FAM162A: variants seen among roughly 807,000 people sequenced by gnomAD.
FAM162A encodes the protein protein FAM162A.
A neutral mutation model predicts 21.8 loss-of-function variants in FAM162A; 23 were observed. The observed-to-expected ratio is 1.05, with a 90% CI of 0.76 to 1.49. FAM162A has a LOEUF of 1.49. Among genes scored for constraint, FAM162A ranks in the 40% most tolerant of loss-of-function variants. FAM162A has a pLI of 0.00. For missense variants in FAM162A, 165 were observed against 186.4 expected, an observed-to-expected ratio of 0.89 and a Z score of 0.67; for synonymous variants, 53 against 61.3, an observed-to-expected ratio of 0.86 and a Z score of 0.64.
At chr3:122,406,244 T>A (rs1456047935) in intron 3 of FAM162A, among the ~76,000 whole-genome samples, 1 of 152,160 alleles carries the variant, frequency 6.6e-6, no homozygotes, top group Middle Eastern at 3.2e-3. Context: ...ATCCCCTGCC[T>A]TGAGGTTCTG....
intron 1 of FAM162A, among the ~76,000 whole-genome samples, chr3:122,399,081 A>G (rs1332546607): frequency 6.6e-6 from 1 of 151,936 alleles, no homozygotes; most frequent in Non-Finnish European, 1.5e-5. Flanking sequence ...TCTCCTCCCT[A>G]CCACCCACAA....
chr3:122,397,346 A>G (rs1213602589), intron 1 of FAM162A, among the ~76,000 whole-genome samples: 1 of 152,136 alleles, frequency 6.6e-6, no homozygotes, highest in Non-Finnish European at 1.5e-5. Context: ...GCTGCAAGAC[A>G]CCCAAGTGGG....
intron 3 of FAM162A, among the ~76,000 whole-genome samples, chr3:122,406,452 G>C (rs1235726170): frequency 6.6e-6 from 1 of 152,304 alleles, no homozygotes; most frequent in East Asian, 1.9e-4. Context: ...AAATCACCAA[G>C]GTAGATTGGC....
intron 4 of FAM162A, chr3:122,407,673 A>G (rs1278374110): frequency 2.2e-6 from 1 of 461,284 alleles, no homozygotes. Flanking sequence ...CATAATGTAA[A>G]TTAAGAAATA....
At chr3:122,397,369 C>A (rs557894710) in intron 1 of FAM162A, among the ~76,000 whole-genome samples, 4 of 152,300 alleles carry the variant, frequency 2.6e-5, no homozygotes, top group Non-Finnish European at 5.9e-5. Context: ...TTTGGAACTT[C>A]CAAGGCACAG....
chr3:122,386,636 G>A (rs1348495823), intron 1 of FAM162A, among the ~76,000 whole-genome samples: 1 of 151,612 alleles, frequency 6.6e-6, no homozygotes, highest in Non-Finnish European at 1.5e-5. Flanking sequence ...AGATTCTCTA[G>A]GTAAGTGAAA....
At chr3:122,397,574 A>AG (rs968347927) in intron 1 of FAM162A, among the ~76,000 whole-genome samples, 1 of 152,136 alleles carries the variant, frequency 6.6e-6, no homozygotes, top group African/African-American at 2.4e-5. Context: ...CTAGGGACTC[A>AG]GGGGCTCTTA....
intron 1 of FAM162A, chr3:122,401,347 A>G (rs535858990): frequency 4.0e-6 from 4 of 996,402 alleles, no homozygotes; most frequent in South Asian, 4.2e-5. Context: ...CAACATGATT[A>G]TATAGACAGA....
chr3:122,395,724 C>G (rs1424510156), intron 1 of FAM162A, among the ~76,000 whole-genome samples: 1 of 152,032 alleles, frequency 6.6e-6, no homozygotes, highest in African/African-American at 2.4e-5. Flanking sequence ...TTTAAGGGAC[C>G]CTGAGTAGGC....
chr3:122,388,228 G>A (rs934532034), intron 1 of FAM162A, among the ~76,000 whole-genome samples: 1 of 152,232 alleles, frequency 6.6e-6, no homozygotes, highest in African/African-American at 2.4e-5. Context: ...GAGATACTGA[G>A]TAAGGAAGGA....
At chr3:122,408,913 A>C (rs2075690693) in intron 4 of FAM162A, among the ~76,000 whole-genome samples, 1 of 152,184 alleles carries the variant, frequency 6.6e-6, no homozygotes, top group Non-Finnish European at 1.5e-5. Context: ...GTTTCCATAA[A>C]TACTACTGGA....
chr3:122,386,819 C>G (rs2075576542), intron 1 of FAM162A, among the ~76,000 whole-genome samples: 1 of 152,106 alleles, frequency 6.6e-6, no homozygotes, highest in African/African-American at 2.4e-5. Flanking sequence ...GGGTTGTTAA[C>G]TTGTGGTACT....
rs2075699066 is a variant in FAM162A at position 122,410,319 on chromosome 3, T to C, written c.*488T>C. On this transcript the variant is annotated 3_prime_UTR_variant, in exon 5 of 5. Coordinates refer to ENST00000477892, the MANE Select transcript of FAM162A (RefSeq NM_014367.4). ...GACCACATTCTATAATCTTTGAACA[T>C]GCTGGCAGATGGAGGCTTTTAGGAG... The C allele has an allele frequency of 5.7e-6, 1 of 174,284 alleles. No individual in the cohort carries two copies. Among genetic ancestry groups the C allele is most frequent in the South Asian group, 1.2e-4 (1 of 8,652 alleles). The allele number at this position is 174,284 out of a possible 1,614,324, so 10.8% of individuals were successfully genotyped here.
At position 122,390,150 on chromosome 3, in the gene FAM162A, G is replaced by C. The variant is rs371934685; in HGVS notation, c.34+5851G>C. Among the ~76,000 whole-genome samples the C allele has an allele frequency of 5.9e-5, 9 of 152,194 alleles. 1 individual carries two copies. The highest frequency in any genetic ancestry group is 1.9e-4 in the East Asian group (1 of 5,188). ...ACCTTGTCTCTAAAAAAAAAAATAA[G>C]TTTTTTAGTTTTGATTTTAAAGATG... On this transcript the variant is annotated intron_variant, in intron 1 of 4. Transcript: ENST00000477892.
At chr3:122,400,216 T>C (rs1377295231) in intron 1 of FAM162A, among the ~76,000 whole-genome samples, 1 of 152,204 alleles carries the variant, frequency 6.6e-6, no homozygotes, top group African/African-American at 2.4e-5. Context: ...TTCATGTCCC[T>C]TGCAGGGACA....
In FAM162A at chr3:122,410,792, A is replaced by T. The variant is rs959943471; in HGVS notation, c.*961A>T. The T allele has an allele frequency of 1.3e-5, 2 of 152,216 alleles. No individual in the cohort carries two copies. The highest frequency in any genetic ancestry group is 2.9e-5 in the Non-Finnish European group (2 of 68,052). The allele number at this position is 152,216 out of a possible 1,614,324, so 9.4% of individuals were successfully genotyped here. A position where few individuals can be genotyped will look rare whatever the true frequency, so the allele number is the denominator to read the frequency against. On this transcript the variant is annotated 3_prime_UTR_variant, in exon 5 of 5. Transcript: ENST00000477892. ...TAACAATGCATAAGTTATAGATTAC[A>T]TACCATTCAGTGTAGCATGATGAAA...
intron 1 of FAM162A, among the ~76,000 whole-genome samples, chr3:122,396,506 G>A (rs2075628327): frequency 6.6e-6 from 1 of 152,154 alleles, no homozygotes; most frequent in East Asian, 1.9e-4. Flanking sequence ...ATGTGGGTAT[G>A]GATGTGAAGA....
intron 2 of FAM162A, among the ~76,000 whole-genome samples, 191 bp from the exon 3 acceptor site, chr3:122,404,067 G>A (rs961929477): frequency 1.3e-5 from 2 of 152,088 alleles, no homozygotes; most frequent in African/African-American, 4.8e-5. Flanking sequence ...GTTTCCTTGG[G>A]ATTTTATAAT....
chr3:122,392,170 A>C (rs1215907603), intron 1 of FAM162A, among the ~76,000 whole-genome samples: 2 of 152,322 alleles, frequency 1.3e-5, no homozygotes, highest in South Asian at 2.1e-4. Flanking sequence ...TGTTCTCCTA[A>C]ACTGCCTTTG....
Sources: gnomAD v4.1 joint callset for allele counts (sites outside exome capture counted in the v4.1 genomes callset) on GRCh38, gnomAD v4.1.1 for gene constraint, MANE v1.5 for transcripts, NCBI Gene and HGNC (gene_info 2026-07-23, HGNC 2026-07-21) for gene names.